The following CHCHD3 variants were observed in gnomAD, a reference collection of about 807,000 sequenced individuals.
The protein encoded by CHCHD3 is coiled-coil-helix-coiled-coil-helix domain containing 3, also known as MICOS complex subunit MIC19.
In CHCHD3, 20 loss-of-function variants were observed where a neutral mutation model predicts 38.2. That is an observed-to-expected ratio of 0.52 (90% confidence interval 0.37 to 0.76). The LOEUF is 0.76. Among genes scored for constraint, CHCHD3 ranks in the 30% least tolerant of loss-of-function variants. The pLI, the probability that CHCHD3 is intolerant of heterozygous loss-of-function variation, is 0.00. For missense variants in CHCHD3, 245 were observed against 279.2 expected, an observed-to-expected ratio of 0.88 and a Z score of 0.87; for synonymous variants, 82 against 100.0, an observed-to-expected ratio of 0.82 and a Z score of 1.07.
intron 5 of CHCHD3, among the ~76,000 whole-genome samples, chr7:132,852,787 G>A (rs181295067): frequency 3.3e-5 from 5 of 152,300 alleles, no homozygotes; most frequent in South Asian, 2.1e-4. Flanking sequence ...AGAGTAGCTG[G>A]AGAGGCCAAG....
At position 132,985,356 on chromosome 7, in the gene CHCHD3, G is replaced by A. The variant is rs1331281817; in HGVS notation, c.252-10070C>T. Among the ~76,000 whole-genome samples, 16 of 70,066 alleles carry A rather than the reference G, an allele frequency of 2.3e-4. 4 individuals carry two copies. In the East Asian group the frequency reaches 9.4e-3, roughly 41 times the overall value. 46.0% of individuals were successfully genotyped at this position (70,066 alleles called of 152,430 possible). A position where few individuals can be genotyped will look rare whatever the true frequency, so the allele number is the denominator to read the frequency against. ...GAGGAGTCCCTCTGCCCGGCCAGCCGCCCCGTCCGGGAAGGAGGTGGGGGG... is the reference window on the plus strand; with the variant it reads ...GAGGAGTCCCTCTGCCCGGCCAGCCACCCCGTCCGGGAAGGAGGTGGGGGG... On this transcript the variant is annotated intron_variant, in intron 3 of 7. Coordinates refer to ENST00000262570, the MANE Select transcript of CHCHD3 (RefSeq NM_017812.4).
intron 6 of CHCHD3, among the ~76,000 whole-genome samples, chr7:132,816,476 C>A (rs1291803733): frequency 6.6e-6 from 1 of 152,136 alleles, no homozygotes; most frequent in African/African-American, 2.4e-5. Context: ...TTAGGAGTAC[C>A]TTCCCCATAT....
chr7:132,961,409 G>T (rs184284498), intron 4 of CHCHD3, among the ~76,000 whole-genome samples: 1 of 152,270 alleles, frequency 6.6e-6, no homozygotes, highest in East Asian at 1.9e-4. Context: ...AAAAATTTGG[G>T]TCACTTAATT....
intron 6 of CHCHD3, among the ~76,000 whole-genome samples, chr7:132,816,097 A>G (rs1807194673): frequency 6.6e-6 from 1 of 152,208 alleles, no homozygotes; most frequent in Non-Finnish European, 1.5e-5. Flanking sequence ...TCTTATGGTC[A>G]TGTAGTTCAG....
chr7:132,793,342 G>A (rs1239465997), intron 7 of CHCHD3, among the ~76,000 whole-genome samples: 1 of 152,220 alleles, frequency 6.6e-6, no homozygotes, highest in South Asian at 2.1e-4. Context: ...ACAGGACTAT[G>A]TATCAATCGA....
At chr7:133,062,532 A>C (rs1814545688) in intron 2 of CHCHD3, among the ~76,000 whole-genome samples, 2 of 152,210 alleles carry the variant, frequency 1.3e-5, no homozygotes, top group African/African-American at 4.8e-5. Context: ...ATGACAAATA[A>C]CAACACTTGT....
In CHCHD3 at chr7:132,838,382, T is replaced by C. The variant is rs1807846188; in HGVS notation, c.524+17A>G. 3 of 1,530,882 alleles carry C rather than the reference T, an allele frequency of 2.0e-6. No individual in the cohort carries two copies. The highest frequency in any genetic ancestry group is 4.5e-5 in the East Asian group (2 of 44,320). The allele number at this position is 1,530,882 out of a possible 1,614,324, so 94.8% of individuals were successfully genotyped here. ...TGTTAAGAATAGTAAATAATTATAA[T>C]ACTATTAAAAACTTACTTGAACTTT... is the stretch of plus-strand genomic sequence containing the variant. On this transcript the variant is annotated intron_variant, in intron 6 of 7. Transcript: ENST00000262570.
chr7:132,979,590 A>T (rs1773309141), intron 3 of CHCHD3, among the ~76,000 whole-genome samples: 1 of 152,222 alleles, frequency 6.6e-6, no homozygotes, highest in Non-Finnish European at 1.5e-5. Flanking sequence ...TCTTAGGCAG[A>T]GGAAACATCA....
At chr7:132,826,075 CAT>C (rs1807501087) in intron 6 of CHCHD3, among the ~76,000 whole-genome samples, 1 of 152,212 alleles carries the variant, frequency 6.6e-6, no homozygotes, top group Non-Finnish European at 1.5e-5. Context: ...GCATCTCTCA[CAT>C]AGTCAGCTTT....
intron 3 of CHCHD3, among the ~76,000 whole-genome samples, chr7:133,010,767 T>C (rs993189986): frequency 2.6e-5 from 4 of 152,058 alleles, no homozygotes; most frequent in Admixed American, 6.6e-5. Flanking sequence ...TTAGTAGACA[T>C]AGGGTTTCGT....
intron 3 of CHCHD3, among the ~76,000 whole-genome samples, chr7:132,992,283 T>C (rs1812302717): frequency 6.6e-6 from 1 of 152,200 alleles, no homozygotes; most frequent in Non-Finnish European, 1.5e-5. Flanking sequence ...CACCCCATTC[T>C]GGAGACACTG....
intron 4 of CHCHD3, among the ~76,000 whole-genome samples, chr7:132,957,287 T>C (rs1223270244): frequency 6.6e-6 from 1 of 152,122 alleles, no homozygotes; most frequent in East Asian, 1.9e-4. Context: ...TTGTGCAAGG[T>C]AAGTTGACCC....
chr7:132,799,523 C>T (rs1433699323), intron 6 of CHCHD3, among the ~76,000 whole-genome samples: 1 of 151,998 alleles, frequency 6.6e-6, no homozygotes, highest in Non-Finnish European at 1.5e-5. Flanking sequence ...GTCTTAGCAG[C>T]AAAGGACGAT....
At chr7:133,051,073 T>C (rs944000903) in intron 2 of CHCHD3, among the ~76,000 whole-genome samples, 2 of 152,124 alleles carry the variant, frequency 1.3e-5, no homozygotes, top group Admixed American at 1.3e-4. Flanking sequence ...AAACACAATA[T>C]TTCAAGCACA....
chr7:132,854,771 T>C (rs1808305117), intron 5 of CHCHD3, among the ~76,000 whole-genome samples: 1 of 152,120 alleles, frequency 6.6e-6, no homozygotes, highest in Non-Finnish European at 1.5e-5. Context: ...TTTTTTTAAA[T>C]TTAGTTATGT....
Position 132,841,755 on chromosome 7 carries a change from A to G in CHCHD3, c.454-3286T>C, listed in dbSNP as rs1165394220. On this transcript the variant is annotated intron_variant, in intron 5 of 7. Coordinates refer to ENST00000262570, the MANE Select transcript of CHCHD3 (RefSeq NM_017812.4). ...AACACGGGCTTTGCTGGGTTGCTAT[A>G]TTTTTAAAAATGAGGTGTGGGCGTG... is the stretch of plus-strand genomic sequence containing the variant. Among the ~76,000 whole-genome samples the G allele has an allele frequency of 2.6e-5, 4 of 152,154 alleles. No homozygotes were observed. The East Asian group carries it at 7.7e-4, about 29-fold the overall frequency.
At chr7:133,080,308 TAATAG>T (rs1815132377) in intron 1 of CHCHD3, among the ~76,000 whole-genome samples, 1 of 152,260 alleles carries the variant, frequency 6.6e-6, no homozygotes, top group Admixed American at 6.5e-5. Flanking sequence ...TTTTCCATTT[TAATAG>T]AATACCTATC....
intron 6 of CHCHD3, among the ~76,000 whole-genome samples, chr7:132,817,362 G>A (rs1300676256): frequency 6.6e-6 from 1 of 152,046 alleles, no homozygotes; most frequent in African/African-American, 2.4e-5. Context: ...ATTTCAAAGG[G>A]AAGGAAAGTT....
At chr7:133,075,663 CG>C (rs1184206652) in intron 1 of CHCHD3, among the ~76,000 whole-genome samples, 1 of 152,174 alleles carries the variant, frequency 6.6e-6, no homozygotes, top group Non-Finnish European at 1.5e-5. Flanking sequence ...GGATTATACA[CG>C]CAATCTGTAG....
Sources: allele counts gnomAD v4.1 joint callset (sites outside exome capture counted in the v4.1 genomes callset), GRCh38; gene constraint gnomAD v4.1.1; transcripts MANE v1.5; gene names NCBI Gene and HGNC (gene_info 2026-07-23, HGNC 2026-07-21).